Variants in SEPSECS observed in about 807,000 individuals in gnomAD.
SEPSECS encodes the protein O-phosphoseryl-tRNA(Sec) selenium transferase.
A neutral mutation model predicts 52.1 loss-of-function variants in SEPSECS; 42 were observed. The ratio of observed to expected loss-of-function variants is 0.81; its 90% CI spans 0.63 to 1.04. SEPSECS has a LOEUF of 1.04. Ranked by LOEUF, SEPSECS falls within the 50% of genes least tolerant of loss-of-function variation. SEPSECS has a pLI of 0.00. For missense variants in SEPSECS, 590 were observed against 610.6 expected (o/e 0.97, Z 0.36); for synonymous variants, 216 against 211.4 (o/e 1.02, Z -0.19).
chr4:25,124,277 T>C, intron 10 of SEPSECS, 52 bp from the exon 11 acceptor site: 1 of 1,536,490 alleles, frequency 6.5e-7, no homozygotes, highest in Non-Finnish European at 8.9e-7. Flanking sequence ...GGTAACACAA[T>C]GTCACCCATA....
chr4:25,137,839 G>T (rs1213294860), intron 8 of SEPSECS, among the ~76,000 whole-genome samples: 1 of 150,794 alleles, frequency 6.6e-6, no homozygotes. Flanking sequence ...TGATAGACTG[G>T]ATAAAGAAAA....
intron 5 of SEPSECS, 77 bp downstream of exon 5, chr4:25,154,921 A>T: frequency 7.2e-7 from 1 of 1,390,796 alleles, no homozygotes; most frequent in Non-Finnish European, 1.0e-6. Context: ...AGTGTTATTT[A>T]AGCATATTTG....
rs1198646689 is a variant in SEPSECS at position 25,124,018 on chromosome 4, A to G, written c.1419T>C (p.Tyr473=). Residue 473 remains tyrosine, a synonymous_variant, in exon 11 of 11, where the codon TAT becomes TAC. Transcript: ENST00000382103. ...CAATATCCACATCTTCAGTTTTGTCATAATTGTCATCACTCTCTTTACTTC... is the reference window on the plus strand; with the variant it reads ...CAATATCCACATCTTCAGTTTTGTCGTAATTGTCATCACTCTCTTTACTTC... The part of the protein sequence containing the change: ...KERSKESDDN[Y]DKTEDVDIEE... 1 of 1,613,674 alleles carries G rather than the reference A, an allele frequency of 6.2e-7. No homozygotes were observed. Among genetic ancestry groups the G allele is most frequent in the Admixed American group, 1.7e-5 (1 of 59,988 alleles).
chr4:25,158,316 G>A (rs1407500103), intron 2 of SEPSECS, among the ~76,000 whole-genome samples: 1 of 152,118 alleles, frequency 6.6e-6, no homozygotes, highest in Non-Finnish European at 1.5e-5. Context: ...TGGAAGACAG[G>A]AGTTTCATTT....
chr4:25,152,171 G>C (rs1036015525), intron 5 of SEPSECS, 109 bp from the exon 6 acceptor site: 38 of 653,120 alleles, frequency 5.8e-5, no homozygotes, highest in Middle Eastern at 4.1e-4. Context: ...TACACCAAAG[G>C]AAAAAAACGA....
intron 8 of SEPSECS, among the ~76,000 whole-genome samples, chr4:25,142,684 T>A (rs183826556): frequency 6.6e-6 from 1 of 152,176 alleles, no homozygotes; most frequent in African/African-American, 2.4e-5. Context: ...CAAGACAGCT[T>A]GATAAGGGTA....
At chr4:25,140,759 A>T (rs1013371238) in intron 8 of SEPSECS, among the ~76,000 whole-genome samples, 1 of 152,086 alleles carries the variant, frequency 6.6e-6, no homozygotes, top group Non-Finnish European at 1.5e-5. Flanking sequence ...TTTACATGAA[A>T]CCTTTCTAAC....
chr4:25,150,871 G>A (rs1339809805), intron 6 of SEPSECS, among the ~76,000 whole-genome samples: 1 of 152,072 alleles, frequency 6.6e-6, no homozygotes, highest in Non-Finnish European at 1.5e-5. Flanking sequence ...GCTGGGTGTG[G>A]TGGCACACAC....
intron 8 of SEPSECS, among the ~76,000 whole-genome samples, chr4:25,143,319 C>T (rs934311068): frequency 1.7e-4 from 26 of 152,238 alleles, no homozygotes; most frequent in African/African-American, 5.5e-4. Flanking sequence ...AGACATGAAA[C>T]GTTTCATCAC....
chr4:25,139,531 G>A (rs1728976590), intron 8 of SEPSECS, among the ~76,000 whole-genome samples: 1 of 151,896 alleles, frequency 6.6e-6, no homozygotes. Flanking sequence ...GACTACAGGT[G>A]TGTGCCACCA....
intron 10 of SEPSECS, chr4:25,125,485 T>C: frequency 1.8e-6 from 1 of 567,998 alleles, no homozygotes; most frequent in South Asian, 2.2e-5. Flanking sequence ...ACAAGATTCA[T>C]GTCTTTTTGT....
At chr4:25,146,883 C>A (rs1488634862) in intron 6 of SEPSECS, among the ~76,000 whole-genome samples, 2 of 152,198 alleles carry the variant, frequency 1.3e-5, no homozygotes, top group Non-Finnish European at 2.9e-5. Context: ...GTTGCTGCAA[C>A]AGCCTTCCAC....
intron 8 of SEPSECS, among the ~76,000 whole-genome samples, chr4:25,137,549 T>A (rs1728892425): frequency 6.6e-6 from 1 of 152,138 alleles, no homozygotes; most frequent in Non-Finnish European, 1.5e-5. Context: ...TGGTGATTAT[T>A]AAAAAGTCAA....
Position 25,124,236 on chromosome 4 carries a change from A to C in SEPSECS, c.1212-11T>G. On this transcript the variant is annotated splice_polypyrimidine_tract_variant and intron_variant, in intron 10 of 10. Coordinates refer to ENST00000382103, the MANE Select transcript of SEPSECS (RefSeq NM_016955.4). ...CCAAGAGGCACAACCCTGAAAGAAG[A>C]AAGATTTACCAATTTAATATGTCTG... The C allele has an allele frequency of 6.2e-7, 1 of 1,612,156 alleles. No individual in the cohort carries two copies. The highest frequency in any genetic ancestry group is 8.5e-7 in the Non-Finnish European group (1 of 1,179,082).
chr4:25,160,359 T>C lies in SEPSECS; in HGVS notation c.11A>G (p.Glu4Gly). 1.3e-6 allele frequency: 2 copies of C among 1,548,552 alleles called. No individual in the cohort carries two copies. Among genetic ancestry groups the C allele is most frequent in the South Asian group, 2.4e-5 (2 of 84,030 alleles). ...CAGCCGCTCTCCCGCCGCGAAGCTC[T>C]CGCGGTTCATGACAGCGGTGGCGAC... MNRESFAAGERLVS... is the reference protein window; with the variant it reads MNRGSFAAGERLVS... The change falls in exon 1 of 11, where the codon GAG becomes GGG. Residue 4 changes from glutamate to glycine, a missense_variant. Glu to Gly is a moderately conservative substitution (Grantham distance 98, BLOSUM62 -2). Transcript: ENST00000382103.
chr4:25,126,167 T>C (rs1296649405), intron 9 of SEPSECS, among the ~76,000 whole-genome samples: 6 of 152,124 alleles, frequency 3.9e-5, no homozygotes, highest in Admixed American at 3.9e-4. Flanking sequence ...AAATTCTGCA[T>C]ATAGAAATGG....
In SEPSECS at chr4:25,160,379, G is replaced by C; in HGVS notation, c.-10C>G. The stretch of plus-strand genomic sequence containing the variant: ...AGCTCTCGCGGTTCATGACAGCGGT[G>C]GCGACAGTGGCGAATAAGCGGGAGC... On this transcript the variant is annotated 5_prime_UTR_variant, in exon 1 of 11. Coordinates refer to ENST00000382103, the MANE Select transcript of SEPSECS (RefSeq NM_016955.4). 6.5e-7 allele frequency: 1 copy of C among 1,541,184 alleles called. No homozygotes were observed. The highest frequency in any genetic ancestry group is 8.8e-7 in the Non-Finnish European group (1 of 1,139,438).
At chr4:25,130,111 A>G (rs759206784) in intron 8 of SEPSECS, among the ~76,000 whole-genome samples, 23 of 152,166 alleles carry the variant, frequency 1.5e-4, no homozygotes, top group Non-Finnish European at 2.4e-4. Flanking sequence ...TCCATCCTTC[A>G]TTTATCCTCA....
At chr4:25,152,281 T>G (rs1712352047) in intron 5 of SEPSECS, among the ~76,000 whole-genome samples, 1 of 152,054 alleles carries the variant, frequency 6.6e-6, no homozygotes, top group South Asian at 2.1e-4. Context: ...GCTTTTAAAT[T>G]AATGTTATCA....
Sources: gnomAD v4.1 joint callset for allele counts (sites outside exome capture counted in the v4.1 genomes callset) on GRCh38, gnomAD v4.1.1 for gene constraint, MANE v1.5 for transcripts, NCBI Gene and HGNC (gene_info 2026-07-23, HGNC 2026-07-21) for gene names.